Variants in NRG1 observed in about 807,000 individuals in gnomAD.
NRG1 encodes the protein neuregulin 1.
A neutral mutation model predicts 63.8 loss-of-function variants in NRG1; 18 were observed. That is an observed-to-expected ratio of 0.28 (90% confidence interval 0.19 to 0.42). The LOEUF (loss-of-function observed/expected upper bound fraction) is 0.42. Among genes scored for constraint, NRG1 ranks in the 10% least tolerant of loss-of-function variants. The pLI, the probability that NRG1 is intolerant of heterozygous loss-of-function variation, is 1.00. For missense variants in NRG1, 762 were observed against 814.7 expected (o/e 0.94, Z 0.79); for synonymous variants, 302 against 301.3 (o/e 1.00, Z -0.02).
chr8:32,672,858 T>C (rs780499031), intron 5 of NRG1, among the ~76,000 whole-genome samples: 5 of 152,174 alleles, frequency 3.3e-5, no homozygotes, highest in Non-Finnish European at 7.3e-5. Flanking sequence ...CCTGACAAAG[T>C]ACTTAAATAT....
At chr8:32,364,075 CTTTT>C (rs932903875) in intron 1 of NRG1, among the ~76,000 whole-genome samples, 1 of 65,520 alleles carries the variant, frequency 1.5e-5, no homozygotes, top group African/African-American at 6.2e-5. Flanking sequence ...TCTGACTAGT[CTTTT>C]TTTTTTTTTT....
Position 32,369,278 on chromosome 8 carries a change from T to A in NRG1, c.38-226550T>A, listed in dbSNP as rs141924381. 3.0e-3 allele frequency among the ~76,000 whole-genome samples: 450 copies of A among 152,350 alleles called. 6 individuals are homozygous for A. Among genetic ancestry groups the A allele is most frequent in the African/African-American group, 0.01 (432 of 41,594 alleles). Reference sequence around the variant, plus strand: ...GAGAGCCGCTTCCTCTCTTCACTCATTCATTGTGCAGTGTGGGGGAGTCAG... The same window carrying A: ...GAGAGCCGCTTCCTCTCTTCACTCAATCATTGTGCAGTGTGGGGGAGTCAG... On this transcript the variant is annotated intron_variant, in intron 1 of 10. Transcript: ENST00000519301.
intron 1 of NRG1, among the ~76,000 whole-genome samples, chr8:32,040,817 A>C (rs1239387680): frequency 7.6e-6 from 1 of 131,294 alleles, no homozygotes; most frequent in African/African-American, 2.8e-5. Flanking sequence ...TAAAGTACCA[A>C]GATATTTTTT....
chr8:31,918,653 C>G (rs1398462621), intron 1 of NRG1, among the ~76,000 whole-genome samples: 1 of 151,904 alleles, frequency 6.6e-6, no homozygotes, highest in Non-Finnish European at 1.5e-5. Context: ...GGATATTGGT[C>G]TAAAATTCTC....
chr8:31,986,523 C>T (rs775264163), intron 1 of NRG1, among the ~76,000 whole-genome samples: 1 of 152,062 alleles, frequency 6.6e-6, no homozygotes, highest in Non-Finnish European at 1.5e-5. Flanking sequence ...AAACTTAATA[C>T]ATTTTCTGCA....
rs149665756 is a variant in NRG1 at position 31,950,840 on chromosome 8, G to A, written c.37+311409G>A. ...GCAAACTTGCATTCATCAGCCTTGG[G>A]CATTTTGGCCTCCCCAGTGTCAGTA... is the stretch of plus-strand genomic sequence containing the variant. On this transcript the variant is annotated intron_variant, in intron 1 of 10. Coordinates refer to the NRG1 transcript ENST00000519301. Among the ~76,000 whole-genome samples the A allele has an allele frequency of 5.5e-4, 83 of 152,282 alleles. 1 individual carries two copies. In the East Asian group the frequency reaches 0.014, roughly 25 times the overall value.
intron 1 of NRG1, among the ~76,000 whole-genome samples, chr8:32,491,350 A>G (rs974923807): frequency 6.6e-6 from 1 of 152,166 alleles, no homozygotes; most frequent in African/African-American, 2.4e-5. Flanking sequence ...CTTTGAATCT[A>G]TTATTTCAAT....
intron 1 of NRG1, among the ~76,000 whole-genome samples, chr8:31,830,823 T>C (rs75486048): frequency 0.012 from 1,793 of 152,226 alleles, 44 homozygotes; most frequent in African/African-American, 0.041. Flanking sequence ...GATTAGGTCA[T>C]ATGCCTATCA....
At chr8:32,104,931 A>G (rs1466476385) in intron 1 of NRG1, among the ~76,000 whole-genome samples, 1 of 151,972 alleles carries the variant, frequency 6.6e-6, no homozygotes, top group Non-Finnish European at 1.5e-5. Context: ...AATAAAAAAT[A>G]CATGTAGAAG....
Position 31,909,269 on chromosome 8 carries a change from C to T in NRG1, c.37+269838C>T, listed in dbSNP as rs1017336245. Reference sequence around the variant, plus strand: ...TTTTATAGTTTCCAAGGGTTTTCAACTATATCTTTTTTTAAAAATTTGAAC... The same window carrying T: ...TTTTATAGTTTCCAAGGGTTTTCAATTATATCTTTTTTTAAAAATTTGAAC... On this transcript the variant is annotated intron_variant, in intron 1 of 10. Coordinates refer to the NRG1 transcript ENST00000519301. Among the ~76,000 whole-genome samples the T allele has an allele frequency of 2.9e-4, 44 of 152,096 alleles. 1 individual carries two copies. Among genetic ancestry groups the T allele is most frequent in the Admixed American group, 2.8e-3 (42 of 15,260 alleles).
chr8:32,238,684 G>C (rs893781261), intron 1 of NRG1, among the ~76,000 whole-genome samples: 8 of 152,084 alleles, frequency 5.3e-5, no homozygotes, highest in African/African-American at 1.7e-4. Context: ...AGATGACAAA[G>C]TTATCAGTTG....
At chr8:32,773,730 A>C (rs1281415860) in intron 7 of NRG1, among the ~76,000 whole-genome samples, 5 of 152,188 alleles carry the variant, frequency 3.3e-5, no homozygotes, top group African/African-American at 1.2e-4. Flanking sequence ...TCATGCTAGA[A>C]GACTGTGTCT....
intron 1 of NRG1, among the ~76,000 whole-genome samples, chr8:32,103,621 T>C (rs1437320797): frequency 6.6e-6 from 1 of 152,180 alleles, no homozygotes; most frequent in Non-Finnish European, 1.5e-5. Context: ...CTGCTCTTCA[T>C]TGTGGTTGTA....
intron 3 of NRG1, among the ~76,000 whole-genome samples, chr8:32,606,933 A>G (rs1391678265): frequency 6.6e-6 from 1 of 152,134 alleles, no homozygotes; most frequent in Non-Finnish European, 1.5e-5. Flanking sequence ...GGAGATAAAA[A>G]TCAGAAACAG....
At chr8:32,738,415 G>GT (rs1476533312) in intron 6 of NRG1, among the ~76,000 whole-genome samples, 7 of 129,116 alleles carry the variant, frequency 5.4e-5, no homozygotes, top group Non-Finnish European at 8.2e-5. Flanking sequence ...TGAAACGAAT[G>GT]GTATATACAT....
intron 1 of NRG1, among the ~76,000 whole-genome samples, chr8:31,823,427 G>T (rs1387803927): frequency 2.6e-5 from 4 of 152,002 alleles, no homozygotes; most frequent in Non-Finnish European, 5.9e-5. Flanking sequence ...CACAATTCAG[G>T]CTGGCTGGAA....
chr8:32,430,670 T>G (rs190357016), intron 1 of NRG1, among the ~76,000 whole-genome samples: 1 of 152,286 alleles, frequency 6.6e-6, no homozygotes, highest in Non-Finnish European at 1.5e-5. Context: ...GATTAAATGG[T>G]GAAGCAGCTA....
intron 1 of NRG1, among the ~76,000 whole-genome samples, chr8:32,121,583 A>G (rs1249087279): frequency 6.6e-6 from 1 of 152,066 alleles, no homozygotes; most frequent in Non-Finnish European, 1.5e-5. Flanking sequence ...CTTCTTCATT[A>G]AGAAAAATAT....
At chr8:32,459,146 G>C (rs13278439) in intron 1 of NRG1, among the ~76,000 whole-genome samples, 7,818 of 152,238 alleles carry the variant, frequency 0.051, 276 homozygotes, top group Non-Finnish European at 0.078. Context: ...AACATCGTCA[G>C]AACAAAACTT....
Sources: allele counts gnomAD v4.1 joint callset (sites outside exome capture counted in the v4.1 genomes callset), GRCh38; gene constraint gnomAD v4.1.1; transcripts MANE v1.5; gene names NCBI Gene and HGNC (gene_info 2026-07-23, HGNC 2026-07-21).